The following TENM3 variants were observed in gnomAD, a reference collection of about 807,000 sequenced individuals.
The protein encoded by TENM3 is teneurin-3.
Under a neutral mutation model 255.1 loss-of-function variants are expected in TENM3, and 63 were observed. The observed-to-expected ratio is 0.25, with a 90% CI of 0.20 to 0.30. The LOEUF is 0.30. Ranked by LOEUF, TENM3 falls within the 10% of genes least tolerant of loss-of-function variation. TENM3 has a pLI of 1.00. For synonymous variants in TENM3, 1,306 were observed against 1,322.3 expected (o/e 0.99, Z 0.27); for missense variants, 2,929 against 3,461.1 (o/e 0.85, Z 3.86).
At chr4:181,611,492 T>C in the TENM3 span, among the ~76,000 whole-genome samples, 1 of 152,186 alleles carries the variant, frequency 6.6e-6, no homozygotes, top group African/African-American at 2.4e-5. Flanking sequence ...GCCACTTTAT[T>C]TTAAGGCATA....
At chr4:181,916,748 G>A in the TENM3 span, among the ~76,000 whole-genome samples, 2 of 151,984 alleles carry the variant, frequency 1.3e-5, no homozygotes, top group East Asian at 1.9e-4. Context: ...ATGGTGGCGC[G>A]TGCTCGTAAT....
chr4:181,566,709 C>T, the TENM3 span, among the ~76,000 whole-genome samples: 1 of 152,204 alleles, frequency 6.6e-6, no homozygotes, highest in South Asian at 2.1e-4. Flanking sequence ...TCTGCCTCTG[C>T]ATCTGGCTCT....
chr4:181,995,554 G>T, the TENM3 span, among the ~76,000 whole-genome samples: 1 of 152,070 alleles, frequency 6.6e-6, no homozygotes, highest in Non-Finnish European at 1.5e-5. Flanking sequence ...GGTTGTTTAG[G>T]TATATAATTT....
chr4:181,679,524 T>C, the TENM3 span, among the ~76,000 whole-genome samples: 4 of 152,218 alleles, frequency 2.6e-5, no homozygotes, highest in Admixed American at 1.3e-4. Flanking sequence ...AAAATATATG[T>C]TGTATAGCAC....
intron 1 of TENM3, among the ~76,000 whole-genome samples, chr4:182,160,415 G>A (rs114975988): frequency 0.011 from 1,623 of 152,254 alleles, 39 homozygotes; most frequent in African/African-American, 0.037. Flanking sequence ...CCAGAAAAAT[G>A]TCTATGGAAA....
chr4:182,011,789 G>A, the TENM3 span, among the ~76,000 whole-genome samples: 6 of 152,120 alleles, frequency 3.9e-5, no homozygotes, highest in Non-Finnish European at 7.3e-5. Context: ...TTTGAGCCTG[G>A]GCAGGATCAT....
At chr4:181,922,561 C>T in the TENM3 span, among the ~76,000 whole-genome samples, 2 of 152,094 alleles carry the variant, frequency 1.3e-5, no homozygotes, top group South Asian at 4.2e-4. Context: ...GTTTGTATTT[C>T]TGTGGGATCG....
the TENM3 span, among the ~76,000 whole-genome samples, chr4:181,486,267 G>A: frequency 1.3e-5 from 2 of 152,222 alleles, no homozygotes; most frequent in East Asian, 3.9e-4. Context: ...ACACACAGAA[G>A]CCATATTGCC....
the TENM3 span, among the ~76,000 whole-genome samples, chr4:181,873,417 A>T: frequency 6.6e-6 from 1 of 152,068 alleles, no homozygotes; most frequent in Admixed American, 6.6e-5. Context: ...CTCTGCTTTA[A>T]CTGCATTCCA....
the TENM3 span, among the ~76,000 whole-genome samples, chr4:182,066,773 T>C: frequency 4.0e-5 from 6 of 151,584 alleles, no homozygotes; most frequent in East Asian, 2.0e-4. Context: ...TAGCCGGGCG[T>C]GGTGGCAGGC....
the TENM3 span, among the ~76,000 whole-genome samples, chr4:181,781,004 A>G: frequency 1.3e-5 from 2 of 152,146 alleles, no homozygotes; most frequent in African/African-American, 4.8e-5. Context: ...TACCAGTACC[A>G]TGCTGTTTTG....
chr4:182,052,875 G>A, the TENM3 span, among the ~76,000 whole-genome samples: 1 of 152,040 alleles, frequency 6.6e-6, no homozygotes, highest in Non-Finnish European at 1.5e-5. Flanking sequence ...GCTTTAAAAG[G>A]TGTCCTAAAA....
the TENM3 span, among the ~76,000 whole-genome samples, chr4:181,933,138 A>G: frequency 6.6e-6 from 1 of 152,172 alleles, no homozygotes; most frequent in Non-Finnish European, 1.5e-5. Context: ...CGTTCTGCAC[A>G]TGTATCCCAG....
At chr4:182,084,683 A>G in the TENM3 span, among the ~76,000 whole-genome samples, 1 of 152,228 alleles carries the variant, frequency 6.6e-6, no homozygotes, top group Non-Finnish European at 1.5e-5. Context: ...GATGCTGACT[A>G]TCATTAAAAA....
chr4:181,822,686 G>C, the TENM3 span, among the ~76,000 whole-genome samples: 2 of 152,198 alleles, frequency 1.3e-5, no homozygotes, highest in Non-Finnish European at 2.9e-5. Flanking sequence ...CGTATGACAA[G>C]TATGTATGAC....
the TENM3 span, among the ~76,000 whole-genome samples, chr4:181,843,054 A>G: frequency 6.6e-6 from 1 of 152,196 alleles, no homozygotes; most frequent in Non-Finnish European, 1.5e-5. Flanking sequence ...ACTCGTTATT[A>G]TATTCCCTGT....
intron 4 of TENM3, among the ~76,000 whole-genome samples, chr4:182,603,922 TTTTC>T (rs1369608159): frequency 6.6e-6 from 1 of 152,002 alleles, no homozygotes; most frequent in Non-Finnish European, 1.5e-5. Flanking sequence ...CCCTTTTCTC[TTTTC>T]AGCACAAATT....
chr4:182,386,805 C>T (rs372638239), intron 3 of TENM3, among the ~76,000 whole-genome samples: 1 of 152,240 alleles, frequency 6.6e-6, no homozygotes, highest in African/African-American at 2.4e-5. Flanking sequence ...GGCCTCCGGA[C>T]TGAAGCCCGC....
chr4:182,199,353 C>T (rs553121356), intron 1 of TENM3, among the ~76,000 whole-genome samples: 6 of 152,098 alleles, frequency 3.9e-5, no homozygotes, highest in African/African-American at 4.8e-5. Flanking sequence ...ACCCAGGATG[C>T]GGAGGTTGCA....
Sources: allele counts gnomAD v4.1 joint callset (sites outside exome capture counted in the v4.1 genomes callset), GRCh38; gene constraint gnomAD v4.1.1; transcripts MANE v1.5; gene names NCBI Gene and HGNC (gene_info 2026-07-23, HGNC 2026-07-21).